The following DCP1A variants were observed in gnomAD, a reference collection of about 807,000 sequenced individuals.
DCP1A encodes mRNA-decapping enzyme 1A.
A neutral mutation model predicts 58.0 loss-of-function variants in DCP1A; 20 were observed. The observed-to-expected ratio is 0.34, with a 90% CI of 0.24 to 0.50. The LOEUF is 0.50. Ranked by LOEUF, DCP1A falls within the 20% of genes least tolerant of loss-of-function variation. The pLI is 0.98. For synonymous variants in DCP1A, 285 were observed against 275.1 expected, an observed-to-expected ratio of 1.04 and a Z score of -0.36; for missense variants, 613 against 712.2, an observed-to-expected ratio of 0.86 and a Z score of 1.59.
At position 53,285,589 on chromosome 3, in the gene DCP1A, C is replaced by T. The variant is rs1251827985; in HGVS notation, c.*1991G>A. 1.3e-5 allele frequency: 2 copies of T among 152,162 alleles called. No homozygotes were observed. The highest frequency in any genetic ancestry group is 4.8e-5 in the African/African-American group (2 of 41,442). 9.4% of individuals were successfully genotyped at this position (152,162 alleles called of 1,614,324 possible). ...CTCTTTACTGTCTATCATATCCATT[C>T]CTAGCATTAAAGGTGAAAATTAGTA... is the stretch of plus-strand genomic sequence containing the variant. On this transcript the variant is annotated 3_prime_UTR_variant, in exon 10 of 10. Transcript: ENST00000610213.
At chr3:53,331,767 A>G (rs2089008745) in intron 3 of DCP1A, among the ~76,000 whole-genome samples, 1 of 152,238 alleles carries the variant, frequency 6.6e-6, no homozygotes, top group African/African-American at 2.4e-5. Flanking sequence ...ATTAAGTGAT[A>G]GGTAAGCACA....
chr3:53,341,744 G>A (rs183952070), intron 3 of DCP1A, among the ~76,000 whole-genome samples: 151 of 152,058 alleles, frequency 9.9e-4, no homozygotes, highest in African/African-American at 3.6e-3. Flanking sequence ...TCATTCTGTT[G>A]CCCAGGCTGG....
intron 4 of DCP1A, among the ~76,000 whole-genome samples, chr3:53,313,465 A>G (rs942886344): frequency 5.3e-5 from 8 of 151,618 alleles, no homozygotes; most frequent in Admixed American, 5.3e-4. Flanking sequence ...TTTTAAGAAC[A>G]CCCCCTTCTC....
intron 3 of DCP1A, among the ~76,000 whole-genome samples, chr3:53,334,090 T>C (rs1399286169): frequency 6.6e-6 from 1 of 151,912 alleles, no homozygotes; most frequent in African/African-American, 2.4e-5. Context: ...AGAGAGACCT[T>C]GTCTCTACAA....
chr3:53,308,571 C>T (rs1205734642), intron 5 of DCP1A, among the ~76,000 whole-genome samples: 2 of 152,130 alleles, frequency 1.3e-5, no homozygotes, highest in Admixed American at 6.5e-5. Flanking sequence ...ATAGCCACAG[C>T]GCCTGGCCTA....
intron 3 of DCP1A, among the ~76,000 whole-genome samples, chr3:53,335,845 G>A (rs781820234): frequency 4.0e-4 from 61 of 151,070 alleles, no homozygotes; most frequent in Admixed American, 1.3e-3. Context: ...TTTATTTTTT[G>A]AGACAGGGTC....
At chr3:53,296,396 C>T (rs1295341490) in intron 6 of DCP1A, among the ~76,000 whole-genome samples, 3 of 152,196 alleles carry the variant, frequency 2.0e-5, no homozygotes, top group Admixed American at 2.0e-4. Flanking sequence ...AAACCCATTC[C>T]ATCTAGGTCA....
At position 53,341,833 on chromosome 3, in the gene DCP1A, C is replaced by T. The variant is rs182454651; in HGVS notation, c.304+311G>A. The stretch of plus-strand genomic sequence containing the variant: ...GATTACAGGCGCCTGCCACCAAGCC[C>T]GGCTAATTTTTTTCTGTATTTTTAG... On this transcript the variant is annotated intron_variant, in intron 3 of 9. Coordinates refer to ENST00000610213, the MANE Select transcript of DCP1A (RefSeq NM_018403.7). 1.2e-3 allele frequency among the ~76,000 whole-genome samples: 187 copies of T among 152,182 alleles called. 2 individuals are homozygous for T. The highest frequency in any genetic ancestry group is 3.9e-3 in the African/African-American group (162 of 41,544).
At chr3:53,334,208 G>A (rs142860946) in intron 3 of DCP1A, among the ~76,000 whole-genome samples, 19 of 152,286 alleles carry the variant, frequency 1.2e-4, no homozygotes, top group African/African-American at 4.3e-4. Context: ...AGGCTGCAGA[G>A]AGCCATGATG....
Position 53,319,392 on chromosome 3 carries a change from G to GAGTA in DCP1A, c.371+11_371+14dup, listed in dbSNP as rs1553689640. ...TCACATATCATCAGTTAAATTTATG[G>GAGTA]AGTAATATACTTACTCAGCCATGAG... is the stretch of plus-strand genomic sequence containing the variant. On this transcript the variant is annotated intron_variant, in intron 4 of 9. Transcript: ENST00000610213. 1 of 1,479,970 alleles carries GAGTA rather than the reference G, an allele frequency of 6.8e-7. No homozygotes were observed. The highest frequency in any genetic ancestry group is 9.2e-7 in the Non-Finnish European group (1 of 1,087,724). The allele number at this position is 1,479,970 out of a possible 1,614,324, so 91.7% of individuals were successfully genotyped here. A position where few individuals can be genotyped will look rare whatever the true frequency, so the allele number is the denominator to read the frequency against.
At position 53,307,228 on chromosome 3, in the gene DCP1A, C is replaced by T. The variant is rs571628045; in HGVS notation, c.511-2938G>A. ...CCTTCCAAAGTGTTGGGATTACAGG[C>T]GTGAGCCACCACACCCGGCCCCAGG... On this transcript the variant is annotated intron_variant, in intron 5 of 9. Coordinates refer to ENST00000610213, the MANE Select transcript of DCP1A (RefSeq NM_018403.7). Among the ~76,000 whole-genome samples, 329 of 152,158 alleles carry T rather than the reference C, an allele frequency of 2.2e-3. 1 individual carries two copies. Among genetic ancestry groups the T allele is most frequent in the African/African-American group, 7.6e-3 (317 of 41,498 alleles).
chr3:53,345,683 T>C (rs1264232569), intron 1 of DCP1A, among the ~76,000 whole-genome samples: 1 of 152,192 alleles, frequency 6.6e-6, no homozygotes, highest in Non-Finnish European at 1.5e-5. Context: ...ACATTTTAAA[T>C]GTTAGTCATA....
intron 6 of DCP1A, among the ~76,000 whole-genome samples, chr3:53,293,993 G>A (rs1467895538): frequency 3.3e-5 from 5 of 152,162 alleles, no homozygotes; most frequent in African/African-American, 1.2e-4. Flanking sequence ...ACTAGGAAGA[G>A]GAGTGAAACT....
intron 6 of DCP1A, among the ~76,000 whole-genome samples, chr3:53,301,366 G>A (rs1383744239): frequency 1.3e-5 from 2 of 151,924 alleles, no homozygotes; most frequent in Admixed American, 1.3e-4. Context: ...TTGCCTCCCA[G>A]GTTCAAGCGA....
At chr3:53,338,713 T>G (rs980668784) in intron 3 of DCP1A, among the ~76,000 whole-genome samples, 4 of 151,432 alleles carry the variant, frequency 2.6e-5, no homozygotes, top group Non-Finnish European at 4.4e-5. Flanking sequence ...TAGAAAAAAT[T>G]AGCCGGGCGT....
At chr3:53,342,410 A>G in intron 2 of DCP1A, 139 bp from the exon 3 acceptor site, 1 of 683,324 alleles carries the variant, frequency 1.5e-6, no homozygotes, top group South Asian at 2.1e-5. Flanking sequence ...ACATCTGTAA[A>G]CAAAAAATTT....
intron 6 of DCP1A, among the ~76,000 whole-genome samples, chr3:53,294,756 TAA>T (rs1553686605): frequency 6.6e-6 from 1 of 152,102 alleles, no homozygotes; most frequent in African/African-American, 2.4e-5. Flanking sequence ...CAGGCCTCTA[TAA>T]AGTAGGGAGG....
chr3:53,291,263 G>A (rs566472080), intron 7 of DCP1A, among the ~76,000 whole-genome samples: 16 of 151,846 alleles, frequency 1.1e-4, no homozygotes, highest in African/African-American at 2.9e-4. Context: ...ACAGGCATGC[G>A]ATGCATAATA....
Position 53,287,556 on chromosome 3 carries a change from G to A in DCP1A, c.*24C>T. The stretch of plus-strand genomic sequence containing the variant: ...TATTTGTCTCTGAGGCTGGGGCTCT[G>A]CCTTTAGACTTATTCTGCTCCAGTC... On this transcript the variant is annotated 3_prime_UTR_variant, in exon 10 of 10. Transcript: ENST00000610213. 2.0e-6 allele frequency: 3 copies of A among 1,537,812 alleles called. No homozygotes were observed. Among genetic ancestry groups the A allele is most frequent in the Non-Finnish European group, 2.7e-6 (3 of 1,111,222 alleles).
Sources: allele counts gnomAD v4.1 joint callset (sites outside exome capture counted in the v4.1 genomes callset), GRCh38; gene constraint gnomAD v4.1.1; transcripts MANE v1.5; gene names NCBI Gene and HGNC (gene_info 2026-07-23, HGNC 2026-07-21).